The following HDAC4 variants were observed in gnomAD, a reference collection of about 807,000 sequenced individuals.
HDAC4 encodes histone deacetylase A.
A neutral mutation model predicts 135.1 loss-of-function variants in HDAC4; 16 were observed. The ratio of observed to expected loss-of-function variants is 0.12; its 90% CI spans 0.08 to 0.18. The LOEUF (loss-of-function observed/expected upper bound fraction) is 0.18. Among genes scored for constraint, HDAC4 ranks in the 10% least tolerant of loss-of-function variants. The pLI is 1.00. For synonymous variants in HDAC4, 685 were observed against 653.4 expected, an observed-to-expected ratio of 1.05 and a Z score of -0.74; for missense variants, 1,143 against 1,511.8, an observed-to-expected ratio of 0.76 and a Z score of 4.05.
chr2:239,337,488 G>A, intron 2 of HDAC4, among the ~76,000 whole-genome samples: 1 of 152,190 alleles, frequency 6.6e-6, no homozygotes, highest in East Asian at 1.9e-4. Flanking sequence ...ACTCACGGGA[G>A]TAAGCAAAAT....
intron 3 of HDAC4, among the ~76,000 whole-genome samples, chr2:239,200,875 C>CT (rs1385160429): frequency 6.6e-6 from 1 of 152,036 alleles, no homozygotes; most frequent in Non-Finnish European, 1.5e-5. Flanking sequence ...TGGCACTGCG[C>CT]TTTAGCCTTC....
Position 239,129,506 on chromosome 2 carries a change from C to T in HDAC4, c.1295-2812G>A, listed in dbSNP as rs564257627. ...CAGTGGCCCCCTGCTCTGGGCTCCTCCCCTGGGCATCTTAGCCAGGGTTTT... is the reference window on the plus strand; with the variant it reads ...CAGTGGCCCCCTGCTCTGGGCTCCTTCCCTGGGCATCTTAGCCAGGGTTTT... On this transcript the variant is annotated intron_variant, in intron 11 of 26. Transcript: ENST00000543185. Among the ~76,000 whole-genome samples, 8 of 152,300 alleles carry T rather than the reference C, an allele frequency of 5.3e-5. No homozygotes were observed. In the East Asian group the frequency reaches 1.4e-3, roughly 26 times the overall value.
chr2:239,244,502 C>T (rs1020992266), intron 2 of HDAC4, among the ~76,000 whole-genome samples: 2 of 152,178 alleles, frequency 1.3e-5, no homozygotes, highest in Non-Finnish European at 2.9e-5. Context: ...GGTTTGGGGC[C>T]ATCATGCCAT....
chr2:239,251,783 G>A (rs2048797994), intron 2 of HDAC4, among the ~76,000 whole-genome samples: 1 of 151,924 alleles, frequency 6.6e-6, no homozygotes, highest in South Asian at 2.1e-4. Flanking sequence ...TAATTCAATA[G>A]TACTCCAGCA....
At chr2:239,081,788 G>C (rs558729991) in intron 21 of HDAC4, among the ~76,000 whole-genome samples, 1 of 152,336 alleles carries the variant, frequency 6.6e-6, no homozygotes, top group East Asian at 1.9e-4. Context: ...TCCTGTGGAA[G>C]ACAGTGGCCT....
At chr2:239,096,328 C>T (rs1331970489) in intron 16 of HDAC4, among the ~76,000 whole-genome samples, 2 of 151,308 alleles carry the variant, frequency 1.3e-5, no homozygotes, top group East Asian at 1.9e-4. Flanking sequence ...CGGATGCCCG[C>T]ACCCCCTACG....
At chr2:239,376,845 A>G (rs1054272065) in intron 1 of HDAC4, among the ~76,000 whole-genome samples, 1 of 152,174 alleles carries the variant, frequency 6.6e-6, no homozygotes, top group Non-Finnish European at 1.5e-5. Context: ...GAGTAAGCAC[A>G]GCACAAAATG....
intron 1 of HDAC4, among the ~76,000 whole-genome samples, chr2:239,374,109 C>T (rs1694822898): frequency 6.6e-6 from 1 of 152,186 alleles, no homozygotes; most frequent in Non-Finnish European, 1.5e-5. Context: ...ATGGCGTCCG[C>T]AGAACAGGCA....
chr2:239,393,086 G>A (rs948800049), intron 1 of HDAC4, among the ~76,000 whole-genome samples: 1 of 152,158 alleles, frequency 6.6e-6, no homozygotes, highest in Non-Finnish European at 1.5e-5. Context: ...TTCTGGATGC[G>A]GCCCGTCTCA....
intron 4 of HDAC4, chr2:239,186,656 T>C (rs2044567824): frequency 6.6e-6 from 1 of 152,228 alleles, no homozygotes; most frequent in Non-Finnish European, 1.5e-5. Flanking sequence ...ATGAGGAGCA[T>C]GGCCTGAAGG....
rs1268153540 is a variant in HDAC4 at position 239,115,876 on chromosome 2, A to G, written c.1534-566T>C. Among the ~76,000 whole-genome samples the G allele has an allele frequency of 2.0e-5, 3 of 150,942 alleles. No individual in the cohort carries two copies. The highest frequency in any genetic ancestry group is 7.3e-5 in the African/African-American group (3 of 41,000). On this transcript the variant is annotated intron_variant, in intron 12 of 26. Transcript: ENST00000543185. This position sits in a 1 kb window ranked among gnomAD's most constrained non-coding sequence, Gnocchi z 6.3. Reference sequence around the variant, plus strand: ...ACTCCAGGACCTCCCTTCCTGCTGAATCCCAGGGATGCCACGGCCTCCCCT... The same window carrying G: ...ACTCCAGGACCTCCCTTCCTGCTGAGTCCCAGGGATGCCACGGCCTCCCCT...
intron 2 of HDAC4, among the ~76,000 whole-genome samples, chr2:239,259,986 A>T (rs560404928): frequency 6.6e-6 from 1 of 152,368 alleles, no homozygotes; most frequent in African/African-American, 2.4e-5. Context: ...GCCAGAGCCC[A>T]GGAAGGAAGG....
intron 1 of HDAC4, among the ~76,000 whole-genome samples, chr2:239,390,124 C>A (rs892523298): frequency 2.0e-5 from 3 of 152,156 alleles, no homozygotes; most frequent in African/African-American, 4.8e-5. Flanking sequence ...TGCCTGAATA[C>A]TTCCTCCTCC....
chr2:239,077,680 G>A (rs2034904632), intron 22 of HDAC4, among the ~76,000 whole-genome samples: 2 of 152,226 alleles, frequency 1.3e-5, no homozygotes, highest in Admixed American at 1.3e-4. Context: ...TCATAACCCT[G>A]ACTTCCTCAG....
rs1337656656 is a variant in HDAC4, at chr2:239,146,299, C to G, written c.734-1585G>C. Among the ~76,000 whole-genome samples the G allele has an allele frequency of 2.0e-5, 3 of 151,624 alleles. No individual in the cohort carries two copies. The highest frequency in any genetic ancestry group is 4.4e-5 in the Non-Finnish European group (3 of 67,852). On this transcript the variant is annotated intron_variant, in intron 7 of 26. Coordinates refer to ENST00000543185, the MANE Select transcript of HDAC4 (RefSeq NM_001378414.1). The surrounding 1 kb of genome is among the most constrained non-coding windows in gnomAD (Gnocchi z 4.5). Reference sequence around the variant, plus strand: ...GGCAAGAAAACAGTACCTCTTCTCTCACCACCAGATCTCCACTGAAACCCA... The same window carrying G: ...GGCAAGAAAACAGTACCTCTTCTCTGACCACCAGATCTCCACTGAAACCCA...
At chr2:239,393,086 G>T (rs948800049) in intron 1 of HDAC4, among the ~76,000 whole-genome samples, 2 of 152,158 alleles carry the variant, frequency 1.3e-5, no homozygotes, top group Non-Finnish European at 2.9e-5. Context: ...TTCTGGATGC[G>T]GCCCGTCTCA....
intron 12 of HDAC4, among the ~76,000 whole-genome samples, chr2:239,120,395 GCACA>G (rs769025619): frequency 6.9e-6 from 1 of 145,198 alleles, no homozygotes; most frequent in African/African-American, 2.6e-5. Context: ...ACACACAGAC[GCACA>G]CAGACACACA....
intron 22 of HDAC4, among the ~76,000 whole-genome samples, chr2:239,079,415 C>T (rs374013418): frequency 8.4e-4 from 128 of 152,226 alleles, no homozygotes; most frequent in African/African-American, 2.8e-3. Flanking sequence ...GCCTGGGCTC[C>T]GTCAGATGGG....
rs139340866 is a variant in HDAC4 at position 239,123,469 on chromosome 2, C to A, written c.1533+2987G>T. ...GGGCCAGGCTGTGGCCTGTGCTGGG[C>A]ATCTGGTCTGACGTGGCTGCCACCC... On this transcript the variant is annotated intron_variant, in intron 12 of 26. Coordinates refer to ENST00000543185, the MANE Select transcript of HDAC4 (RefSeq NM_001378414.1). Among the ~76,000 whole-genome samples, 66 of 152,334 alleles carry A rather than the reference C, an allele frequency of 4.3e-4. No homozygotes were observed. In the East Asian group the frequency reaches 5.4e-3, roughly 12 times the overall value.
Sources: allele counts gnomAD v4.1 joint callset (sites outside exome capture counted in the v4.1 genomes callset), GRCh38; gene constraint gnomAD v4.1.1; non-coding constraint Gnocchi (gnomAD v3.1); transcripts MANE v1.5; gene names NCBI Gene and HGNC (gene_info 2026-07-23, HGNC 2026-07-21).